GRID2: variants seen among roughly 807,000 people sequenced by gnomAD.
The protein encoded by GRID2 is glutamate receptor ionotropic, delta-2.
A neutral mutation model predicts 114.8 loss-of-function variants in GRID2; 33 were observed. The ratio of observed to expected loss-of-function variants is 0.29; its 90% CI spans 0.22 to 0.38. The LOEUF (loss-of-function observed/expected upper bound fraction) is 0.38. Ranked by LOEUF, GRID2 falls within the 10% of genes least tolerant of loss-of-function variation. The pLI is 1.00. For missense variants in GRID2, 1,184 were observed against 1,257.7 expected, an observed-to-expected ratio of 0.94 and a Z score of 0.89; for synonymous variants, 505 against 449.9, an observed-to-expected ratio of 1.12 and a Z score of -1.55.
At chr4:92,562,999 G>C (rs1431919805) in intron 1 of GRID2, among the ~76,000 whole-genome samples, 1 of 151,894 alleles carries the variant, frequency 6.6e-6, no homozygotes, top group Non-Finnish European at 1.5e-5. Context: ...AAATTACCCA[G>C]GCCTACTCTT....
At chr4:92,998,300 G>A (rs887933860) in intron 2 of GRID2, among the ~76,000 whole-genome samples, 9 of 151,742 alleles carry the variant, frequency 5.9e-5, no homozygotes, top group African/African-American at 1.9e-4. Context: ...ATTTATTTAT[G>A]TATTTTGAAC....
intron 14 of GRID2, among the ~76,000 whole-genome samples, chr4:93,697,965 T>C (rs1246463180): frequency 6.7e-6 from 1 of 149,158 alleles, no homozygotes. Flanking sequence ...TATTTTCTAT[T>C]TTTAAAATTA....
At chr4:92,863,169 G>A (rs1002971836) in intron 2 of GRID2, among the ~76,000 whole-genome samples, 1 of 151,970 alleles carries the variant, frequency 6.6e-6, no homozygotes, top group African/African-American at 2.4e-5. Context: ...TTTTGATTTA[G>A]GCTTTTATTT....
intron 1 of GRID2, among the ~76,000 whole-genome samples, chr4:92,545,219 A>T (rs1425563182): frequency 1.3e-5 from 2 of 152,148 alleles, no homozygotes; most frequent in Non-Finnish European, 2.9e-5. Context: ...TAAAAAAAAA[A>T]ATGTGTGGTA....
At chr4:92,913,790 A>G (rs1274891953) in intron 2 of GRID2, among the ~76,000 whole-genome samples, 5 of 151,850 alleles carry the variant, frequency 3.3e-5, no homozygotes, top group African/African-American at 9.7e-5. Context: ...TCACTAAGTC[A>G]CTCAGTATAC....
chr4:92,440,344 TC>T lies in GRID2; in HGVS notation c.88+135601del, dbSNP rs1285912013. On this transcript the variant is annotated intron_variant, in intron 1 of 15. Transcript: ENST00000282020. ...GGGAAGGCTAAACTGAGGAATTATGTCTGACAGAAGGGAAGAAATGACTGCG... is the reference window on the plus strand; with the variant it reads ...GGGAAGGCTAAACTGAGGAATTATGTTGACAGAAGGGAAGAAATGACTGCG... 8.1e-5 allele frequency among the ~76,000 whole-genome samples: 11 copies of T among 135,088 alleles called. 2 individuals are homozygous for T. The East Asian group carries it at 1.7e-3, about 21-fold the overall frequency. The allele number at this position is 135,088 out of a possible 152,430, so 88.6% of individuals were successfully genotyped here. A position where few individuals can be genotyped will look rare whatever the true frequency, so the allele number is the denominator to read the frequency against.
At chr4:93,595,426 G>T (rs2149627244) in intron 13 of GRID2, among the ~76,000 whole-genome samples, 1 of 152,232 alleles carries the variant, frequency 6.6e-6, no homozygotes, top group South Asian at 2.1e-4. Flanking sequence ...CTTGCTGTGG[G>T]AACTTGGGCA....
intron 5 of GRID2, among the ~76,000 whole-genome samples, chr4:93,210,307 G>T (rs890723879): frequency 1.3e-5 from 2 of 152,036 alleles, no homozygotes; most frequent in African/African-American, 2.4e-5. Context: ...CATATGGCTT[G>T]CCAGTTATCC....
intron 2 of GRID2, among the ~76,000 whole-genome samples, chr4:92,638,866 A>G (rs1392301061): frequency 6.6e-6 from 1 of 151,028 alleles, no homozygotes; most frequent in African/African-American, 2.4e-5. Flanking sequence ...TTCATATGAT[A>G]GTTTTTGTTC....
chr4:93,505,164 G>T (rs917489289), intron 12 of GRID2, among the ~76,000 whole-genome samples: 5 of 151,820 alleles, frequency 3.3e-5, no homozygotes, highest in African/African-American at 1.2e-4. Flanking sequence ...AATGCCTCTG[G>T]TAACTCTTTC....
rs544710849 is a variant in GRID2 at position 93,245,839 on chromosome 4, A to C, written c.1245+7349A>C. On this transcript the variant is annotated intron_variant, in intron 8 of 15. Transcript: ENST00000282020. Reference sequence around the variant, plus strand: ...TTGAAATTATGTTTGTAGGTTACACAATAAGGGAAAATTAAAATAATACCT... The same window carrying C: ...TTGAAATTATGTTTGTAGGTTACACCATAAGGGAAAATTAAAATAATACCT... Among the ~76,000 whole-genome samples the C allele has an allele frequency of 4.6e-5, 7 of 152,356 alleles. No homozygotes were observed. In the East Asian group the frequency reaches 1.2e-3, roughly 25 times the overall value.
At chr4:93,317,468 C>T (rs925323785) in intron 8 of GRID2, among the ~76,000 whole-genome samples, 1 of 151,950 alleles carries the variant, frequency 6.6e-6, no homozygotes, top group Non-Finnish European at 1.5e-5. Flanking sequence ...AACAAACAGA[C>T]AAGGGACAGC....
chr4:93,267,166 CTT>C lies in GRID2; in HGVS notation c.1245+28687_1245+28688del, dbSNP rs34529462. Among the ~76,000 whole-genome samples, 115 of 143,176 alleles carry C rather than the reference CTT, an allele frequency of 8.0e-4. 1 individual carries two copies. The highest frequency in any genetic ancestry group is 8.1e-4 in the Non-Finnish European group (53 of 65,800). The allele number at this position is 143,176 out of a possible 152,430, so 93.9% of individuals were successfully genotyped here. ...GTTCCATTGAATAGTACACACATTT[CTT>C]TTTTTTTTTTAATTTTATTATTTTT... On this transcript the variant is annotated intron_variant, in intron 8 of 15. Coordinates refer to ENST00000282020, the MANE Select transcript of GRID2 (RefSeq NM_001510.4).
At chr4:93,751,779 T>G (rs987687792) in intron 14 of GRID2, among the ~76,000 whole-genome samples, 2 of 152,136 alleles carry the variant, frequency 1.3e-5, no homozygotes, top group Admixed American at 1.3e-4. Context: ...GATACTGAAA[T>G]TGAGGCTGTC....
At chr4:92,405,269 T>G (rs1273595763) in intron 1 of GRID2, among the ~76,000 whole-genome samples, 2 of 152,218 alleles carry the variant, frequency 1.3e-5, no homozygotes, top group African/African-American at 2.4e-5. Context: ...AACATGTTAA[T>G]GCATTTAAAA....
chr4:92,567,494 AGGATACTTG>A (rs1405958509), intron 1 of GRID2, among the ~76,000 whole-genome samples: 2 of 152,024 alleles, frequency 1.3e-5, no homozygotes, highest in Non-Finnish European at 2.9e-5. Context: ...TAATTCAAGA[AGGATACTTG>A]GGAATTTGTT....
At chr4:92,968,790 T>C (rs1753319540) in intron 2 of GRID2, among the ~76,000 whole-genome samples, 1 of 151,900 alleles carries the variant, frequency 6.6e-6, no homozygotes, top group Non-Finnish European at 1.5e-5. Flanking sequence ...ATCTACTTTC[T>C]GTCTCTATTA....
At chr4:93,221,781 T>C (rs1744904149) in intron 6 of GRID2, among the ~76,000 whole-genome samples, 1 of 152,046 alleles carries the variant, frequency 6.6e-6, no homozygotes, top group African/African-American at 2.4e-5. Flanking sequence ...AATGAAAAGC[T>C]CAGGGAATAT....
intron 9 of GRID2, among the ~76,000 whole-genome samples, chr4:93,404,941 T>C (rs1433149208): frequency 6.6e-6 from 1 of 152,164 alleles, no homozygotes; most frequent in Non-Finnish European, 1.5e-5. Flanking sequence ...CTATGTGTCA[T>C]GTCTTCTCTT....
Sources: gnomAD v4.1 joint callset for allele counts (sites outside exome capture counted in the v4.1 genomes callset) on GRCh38, gnomAD v4.1.1 for gene constraint, MANE v1.5 for transcripts, NCBI Gene and HGNC (gene_info 2026-07-23, HGNC 2026-07-21) for gene names.